IPCEF1: variants seen among roughly 807,000 people sequenced by gnomAD.
The protein encoded by IPCEF1 is interactor protein for cytohesin exchange factors 1.
IPCEF1 carries 31 observed loss-of-function variants against 50.9 expected under a neutral mutation model. The ratio of observed to expected loss-of-function variants is 0.61; its 90% confidence interval spans 0.46 to 0.82. The LOEUF (loss-of-function observed/expected upper bound fraction) is 0.82. Ranked by LOEUF, IPCEF1 falls within the 40% of genes least tolerant of loss-of-function variation. The probability of loss-of-function intolerance (pLI) is 0.00; values close to 1 mark genes in which losing one functional copy is unlikely to be tolerated. For missense variants in IPCEF1, 458 were observed against 514.0 expected (o/e 0.89, Z 1.05); for synonymous variants, 181 against 192.0 (o/e 0.94, Z 0.47).
At chr6:154,296,808 G>C (rs983973204) in intron 1 of IPCEF1, among the ~76,000 whole-genome samples, 14 of 143,658 alleles carry the variant, frequency 9.7e-5, no homozygotes, top group African/African-American at 3.4e-4. Flanking sequence ...CAGCCTGGGC[G>C]ACAGAGAGAG....
At chr6:154,162,245 C>T (rs776276561) in intron 11 of IPCEF1, among the ~76,000 whole-genome samples, 3 of 152,202 alleles carry the variant, frequency 2.0e-5, no homozygotes, top group Non-Finnish European at 2.9e-5. Flanking sequence ...CAGATCCCCT[C>T]CAGCAGTCTC....
At chr6:154,240,659 T>C (rs768122249) in intron 5 of IPCEF1, among the ~76,000 whole-genome samples, 4 of 152,310 alleles carry the variant, frequency 2.6e-5, no homozygotes, top group Admixed American at 6.5e-5. Context: ...ATCTTCACTA[T>C]AGAGATTCTC....
chr6:154,160,948 G>A (rs906597992), intron 11 of IPCEF1, among the ~76,000 whole-genome samples: 3 of 152,218 alleles, frequency 2.0e-5, no homozygotes, highest in East Asian at 1.9e-4. Flanking sequence ...TGTAAATGCC[G>A]AGTCCCCCTC....
chr6:154,163,811 T>C (rs1016404192), intron 11 of IPCEF1, among the ~76,000 whole-genome samples: 1 of 152,214 alleles, frequency 6.6e-6, no homozygotes, highest in African/African-American at 2.4e-5. Flanking sequence ...CATAGATTCA[T>C]AGATCAATAG....
intron 7 of IPCEF1, among the ~76,000 whole-genome samples, chr6:154,218,557 C>A (rs954449914): frequency 1.3e-5 from 2 of 152,118 alleles, no homozygotes; most frequent in African/African-American, 4.8e-5. Flanking sequence ...CAAGTAATAC[C>A]CAGATACATT....
chr6:154,291,811 A>G (rs1469793254), intron 1 of IPCEF1, among the ~76,000 whole-genome samples: 1 of 150,966 alleles, frequency 6.6e-6, no homozygotes, highest in Non-Finnish European at 1.5e-5. Context: ...CAGCCTCCCA[A>G]GTAGCTGGGA....
chr6:154,216,308 G>T lies in IPCEF1; in HGVS notation c.393-2032C>A, dbSNP rs562634224. Among the ~76,000 whole-genome samples the T allele has an allele frequency of 2.0e-5, 3 of 152,132 alleles. No homozygotes were observed. The South Asian group carries it at 6.2e-4, about 32-fold the overall frequency. ...GAAGCTAATGAGAGGACTAAGATGG[G>T]GGTGGGGGGTGGTTGTAATGACCTG... On this transcript the variant is annotated intron_variant, in intron 7 of 11. Transcript: ENST00000367220.
chr6:154,270,999 C>G (rs1402529061), intron 2 of IPCEF1, among the ~76,000 whole-genome samples: 1 of 151,234 alleles, frequency 6.6e-6, no homozygotes, highest in Non-Finnish European at 1.5e-5. Flanking sequence ...ACAAACAAAC[C>G]AAAAAAACTC....
At chr6:154,292,288 A>T (rs1782535479) in intron 1 of IPCEF1, among the ~76,000 whole-genome samples, 1 of 152,190 alleles carries the variant, frequency 6.6e-6, no homozygotes, top group South Asian at 2.1e-4. Context: ...CCTTCTTTGT[A>T]TACATTAGGA....
At chr6:154,192,318 C>CTG (rs56231733) in intron 10 of IPCEF1, among the ~76,000 whole-genome samples, 3,906 of 148,074 alleles carry the variant, frequency 0.026, 75 homozygotes, top group African/African-American at 0.052. Context: ...CACGTGGTTA[C>CTG]TGTGTGTGTG....
intron 1 of IPCEF1, among the ~76,000 whole-genome samples, chr6:154,354,774 A>C (rs980007260): frequency 1.3e-5 from 2 of 151,798 alleles, no homozygotes; most frequent in Admixed American, 1.3e-4. Context: ...CTCCTCCTCC[A>C]CTCTGATCTT....
chr6:154,328,650 T>A (rs1020467509), intron 1 of IPCEF1, among the ~76,000 whole-genome samples: 22 of 152,212 alleles, frequency 1.4e-4, no homozygotes, highest in African/African-American at 5.3e-4. Context: ...TGCTTAACTT[T>A]TTAATCTTTC....
At chr6:154,273,705 T>TCC (rs67158778) in intron 2 of IPCEF1, among the ~76,000 whole-genome samples, 3 of 27,044 alleles carry the variant, frequency 1.1e-4, no homozygotes, top group Admixed American at 6.6e-4. Flanking sequence ...TTTTTCTTTT[T>TCC]TTCTTTCTTT....
chr6:154,268,689 C>T (rs538590137), intron 2 of IPCEF1, among the ~76,000 whole-genome samples: 7 of 152,224 alleles, frequency 4.6e-5, no homozygotes, highest in South Asian at 2.1e-4. Context: ...CATCTGACCA[C>T]GACCTCATCT....
intron 2 of IPCEF1, among the ~76,000 whole-genome samples, chr6:154,282,646 C>T (rs1782252493): frequency 6.6e-6 from 1 of 152,052 alleles, no homozygotes. Flanking sequence ...GAGATAGCAC[C>T]ACTGCAGTCT....
intron 1 of IPCEF1, among the ~76,000 whole-genome samples, chr6:154,337,275 G>A (rs181274588): frequency 1.3e-5 from 2 of 152,170 alleles, no homozygotes; most frequent in African/African-American, 4.8e-5. Context: ...AAAGAAAAAG[G>A]CTAGAAAAAG....
chr6:154,346,054 A>G (rs2499644), intron 1 of IPCEF1, among the ~76,000 whole-genome samples: 82,657 of 151,790 alleles, frequency 0.54, 23,455 homozygotes, highest in Non-Finnish European at 0.64. Context: ...CTTTTTGGTA[A>G]AGACAGGGTT....
intron 5 of IPCEF1, among the ~76,000 whole-genome samples, chr6:154,241,552 T>A (rs904864261): frequency 6.6e-6 from 1 of 152,168 alleles, no homozygotes; most frequent in Non-Finnish European, 1.5e-5. Context: ...GGAATCATGC[T>A]TATTTTAGCC....
chr6:154,260,586 C>T (rs1781573697), intron 3 of IPCEF1, among the ~76,000 whole-genome samples: 1 of 151,854 alleles, frequency 6.6e-6, no homozygotes, highest in Admixed American at 6.6e-5. Context: ...GATTCTCCTG[C>T]CTTAGCCTCC....
Sources: gnomAD v4.1 joint callset for allele counts (sites outside exome capture counted in the v4.1 genomes callset) on GRCh38, gnomAD v4.1.1 for gene constraint, MANE v1.5 for transcripts, NCBI Gene and HGNC (gene_info 2026-07-23, HGNC 2026-07-21) for gene names.